GANAB: variants seen among roughly 807,000 people sequenced by gnomAD.
The protein encoded by GANAB is neutral alpha-glucosidase AB.
In GANAB, 35 loss-of-function variants were observed where a neutral mutation model predicts 129.9. The ratio of observed to expected loss-of-function variants is 0.27; its 90% CI spans 0.21 to 0.36. The LOEUF is 0.36. Ranked by LOEUF, GANAB falls within the 10% of genes least tolerant of loss-of-function variation. The pLI, the probability that GANAB is intolerant of heterozygous loss-of-function variation, is 1.00. For missense variants in GANAB, 939 were observed against 1,221.0 expected (o/e 0.77, Z 3.44); for synonymous variants, 482 against 451.8 (o/e 1.07, Z -0.85).
rs541870201 is a variant in GANAB at position 62,626,962 on chromosome 11, C to CG, written c.2323-29dup. On this transcript the variant is annotated intron_variant, in intron 19 of 23. Coordinates refer to ENST00000356638, the MANE Select transcript of GANAB (RefSeq NM_198334.3). ...GTGAGTGACAAAAGAGGTAAGATAC[C>CG]GGATCACTCAGTGCACAGGGGTCCC... is the stretch of plus-strand genomic sequence containing the variant. 2.1e-5 allele frequency: 33 copies of CG among 1,590,970 alleles called. No homozygotes were observed. In the East Asian group the frequency reaches 6.9e-4, roughly 33 times the overall value.
rs140991067 is a variant in GANAB, at chr11:62,638,828, CAGA to C, written c.380+152_380+154del. Among the ~76,000 whole-genome samples the C allele has an allele frequency of 3.2e-3, 484 of 152,136 alleles. 3 individuals carry two copies. Among genetic ancestry groups the C allele is most frequent in the African/African-American group, 0.011 (471 of 41,498 alleles). ...TAAAGGGATAAAGAGAAAAGTGAAA[CAGA>C]AGAAGAGGTGGGGAAAGGTTGAGGA... On this transcript the variant is annotated intron_variant, in intron 4 of 23. Coordinates refer to ENST00000356638, the MANE Select transcript of GANAB (RefSeq NM_198334.3).
rs1319341383 is a variant in GANAB at position 62,626,689 on chromosome 11, G to A, written c.2398-5C>T. 6.3e-7 allele frequency: 1 copy of A among 1,582,144 alleles called. No individual in the cohort carries two copies. The highest frequency in any genetic ancestry group is 2.3e-5 in the East Asian group (1 of 44,320). On this transcript the variant is annotated splice_region_variant and splice_polypyrimidine_tract_variant and intron_variant, in intron 20 of 23. Coordinates refer to ENST00000356638, the MANE Select transcript of GANAB (RefSeq NM_198334.3). ...TCCACGCTGGAACACAGGGATCTAG[G>A]GCAAGAGCAATGCCAGGATGAAGTT... is the stretch of plus-strand genomic sequence containing the variant.
At chr11:62,636,796 G>A (rs1943962204) in intron 4 of GANAB, among the ~76,000 whole-genome samples, 1 of 152,088 alleles carries the variant, frequency 6.6e-6, no homozygotes, top group Non-Finnish European at 1.5e-5. Flanking sequence ...AGTGGTGCAC[G>A]CCTGTAGTCC....
intron 17 of GANAB, 129 bp downstream of exon 17, chr11:62,628,640 T>C (rs1943515378): frequency 2.1e-6 from 2 of 954,346 alleles, no homozygotes; most frequent in African/African-American, 1.6e-5. Flanking sequence ...CCCTTCACTC[T>C]TGACCTTAAT....
At chr11:62,634,280 C>A (rs756531091) in intron 5 of GANAB, 10 of 1,450,438 alleles carry the variant, frequency 6.9e-6, no homozygotes, top group Non-Finnish European at 9.7e-6. Context: ...GGCAGAGGAA[C>A]AGATACAGTA....
chr11:62,633,989 C>T (rs1268777854), intron 5 of GANAB: 1 of 370,520 alleles, frequency 2.7e-6, no homozygotes, highest in Non-Finnish European at 4.9e-6. Flanking sequence ...AAAATGCTTT[C>T]AAGGGCAAGT....
rs923594935 is a variant in GANAB, at chr11:62,629,840, C to T, written c.1711G>A (p.Val571Met). 11 of 1,614,094 alleles carry T rather than the reference C, an allele frequency of 6.8e-6. No individual in the cohort carries two copies. In the African/African-American group the frequency reaches 8.0e-5, roughly 12 times the overall value. ...QHYGGWEHRD[V>M]HNIYGLYVHM... Reference sequence around the variant, plus strand: ...ACATAAAGGCCATAGATGTTATGCACATCCCGGTGCTCCCAGCCCCCATAA... The same window carrying T: ...ACATAAAGGCCATAGATGTTATGCATATCCCGGTGCTCCCAGCCCCCATAA... The change falls in exon 14 of 24, where the codon GTG (valine) becomes ATG (methionine). Residue 571 changes from valine (V) to methionine (M), a missense_variant. By Grantham distance (21) the Val-to-Met change is conservative. This residue lies in a region of GANAB where 147 missense variants were observed against 282.4 expected (regional missense o/e 0.52). Transcript: ENST00000356638.
At chr11:62,642,625 G>A (rs1023858490) in intron 1 of GANAB, among the ~76,000 whole-genome samples, 35 of 152,002 alleles carry the variant, frequency 2.3e-4, no homozygotes, top group African/African-American at 6.8e-4. Flanking sequence ...TAGTAGAGAC[G>A]GGGTTTCATC....
Position 62,639,070 on chromosome 11 carries a change from A to C in GANAB, c.293T>G (p.Met98Arg), listed in dbSNP as rs1315859689. 2 of 1,613,990 alleles carry C rather than the reference A, an allele frequency of 1.2e-6. No individual in the cohort carries two copies. Among genetic ancestry groups the C allele is most frequent in the Non-Finnish European group, 1.7e-6 (2 of 1,179,988 alleles). ...VLELQGLQKNMTRFRIDELEP... is the reference protein window; with the variant it reads ...VLELQGLQKNRTRFRIDELEP... ...CAGCTCATCAATCCTGAACCGAGTCATGTTCTTTTGAAGCCCCTGAAGCTC... is the reference window on the plus strand; with the variant it reads ...CAGCTCATCAATCCTGAACCGAGTCCTGTTCTTTTGAAGCCCCTGAAGCTC... Residue 98 changes from methionine (M) to arginine (R), a missense_variant, in exon 4 of 24, where the codon ATG (methionine) becomes AGG (arginine). Physicochemically the swap from Met to Arg is moderately conservative, Grantham distance 91. Around this residue, in one of 5 missense-constraint regions of GANAB, gnomAD observed 321 missense variants for 329.1 expected, o/e 0.98. Coordinates refer to ENST00000356638, the MANE Select transcript of GANAB (RefSeq NM_198334.3).
At chr11:62,639,210 C>G (rs1944105820) in intron 3 of GANAB, 100 bp from the exon 4 acceptor site, 1 of 1,428,088 alleles carries the variant, frequency 7.0e-7, no homozygotes, top group Middle Eastern at 2.2e-4. Context: ...CCTTTGAGCC[C>G]TTTGCCTAAA....
Position 62,625,490 on chromosome 11 carries a change from C to A in GANAB, c.*325G>T. The A allele has an allele frequency of 2.4e-6, 1 of 413,152 alleles. No homozygotes were observed. The highest frequency in any genetic ancestry group is 4.6e-6 in the Non-Finnish European group (1 of 218,416). The allele number at this position is 413,152 out of a possible 1,614,324, so 25.6% of individuals were successfully genotyped here. A position where few individuals can be genotyped will look rare whatever the true frequency, so the allele number is the denominator to read the frequency against. ...GGATAGACTCTGGGGGAGTTCAGGG[C>A]TCCTAAATAAGGGAAAGAGAAGGGG... On this transcript the variant is annotated 3_prime_UTR_variant, in exon 24 of 24. Transcript: ENST00000356638.
intron 7 of GANAB, 29 bp downstream of exon 7, chr11:62,633,155 C>T (rs773623872): frequency 1.2e-6 from 2 of 1,605,176 alleles, no homozygotes; most frequent in South Asian, 1.1e-5. Context: ...GAGCCCTGCA[C>T]CCCAGCCCAA....
chr11:62,630,172 G>A lies in GANAB; in HGVS notation c.1593+25C>T, dbSNP rs1452252102. The A allele has an allele frequency of 3.9e-6, 6 of 1,553,664 alleles. No homozygotes were observed. In the African/African-American group the frequency reaches 5.4e-5, roughly 14 times the overall value. On this transcript the variant is annotated intron_variant, in intron 13 of 23. Coordinates refer to ENST00000356638, the MANE Select transcript of GANAB (RefSeq NM_198334.3). ...GAGGCAGGTGGAACAGACAGACGCA[G>A]GTCATGGGGAGAGGCCTTCCCTACC...
At position 62,630,750 on chromosome 11, in the gene GANAB, C is replaced by T; in HGVS notation, c.1237G>A (p.Asp413Asn). ...AGGTTGTGATCATCAAAGCCCTGAT[C>T]CACTTCCAGCACATCAGCCTCGTCC... ...YRDEADVLEV[D>N]QGFDDHNLPC... The change falls in exon 11 of 24, where the codon GAT becomes AAT. Residue 413 changes from aspartate to asparagine, a missense_variant. Asp to Asn is a conservative substitution (Grantham distance 23). This residue lies in a region of GANAB where 220 missense variants were observed against 295.9 expected (regional missense o/e 0.74). Transcript: ENST00000356638. The T allele has an allele frequency of 2.5e-6, 4 of 1,614,084 alleles. No homozygotes were observed. Among genetic ancestry groups the T allele is most frequent in the Non-Finnish European group, 3.4e-6 (4 of 1,179,958 alleles).
At chr11:62,643,321 G>A (rs1159467017) in intron 1 of GANAB, among the ~76,000 whole-genome samples, 2 of 151,734 alleles carry the variant, frequency 1.3e-5, no homozygotes, top group Non-Finnish European at 2.9e-5. Context: ...GGCCAACATG[G>A]CGAAACTCCA....
chr11:62,631,111 A>C lies in GANAB; in HGVS notation c.1069T>G (p.Ser357Ala), dbSNP rs1044968406. 1.9e-6 allele frequency: 3 copies of C among 1,611,792 alleles called. No homozygotes were observed. The African/African-American group carries it at 4.0e-5, about 22-fold the overall frequency. ...ETPQTDVRWM[S>A]ETGIIDVFLL... is the part of the protein sequence containing the mutation. ...AAGACGTCAATGATGCCAGTCTCTG[A>C]CATCCAGCGAACATCTGTCTGTGGG... Residue 357 changes from serine (S) to alanine (A), a missense_variant, in exon 10 of 24, where the codon TCA becomes GCA. This residue lies in a region of GANAB where 220 missense variants were observed against 295.9 expected (regional missense o/e 0.74). Coordinates refer to ENST00000356638, the MANE Select transcript of GANAB (RefSeq NM_198334.3).
intron 17 of GANAB, among the ~76,000 whole-genome samples, chr11:62,628,205 C>CTTTTT (rs58757640): frequency 9.1e-5 from 9 of 98,410 alleles, no homozygotes; most frequent in Admixed American, 7.2e-4. Context: ...CTTCTCAAAA[C>CTTTTT]TTTTTTTTTT....
rs371505456 is a variant in GANAB at position 62,629,167 on chromosome 11, A to G, written c.1936+27T>C. 4.7e-4 allele frequency: 745 copies of G among 1,581,618 alleles called. 2 individuals carry two copies. Among genetic ancestry groups the G allele is most frequent in the Non-Finnish European group, 6.0e-4 (686 of 1,150,618 alleles). On this transcript the variant is annotated intron_variant, in intron 16 of 23. Coordinates refer to ENST00000356638, the MANE Select transcript of GANAB (RefSeq NM_198334.3). Reference sequence around the variant, plus strand: ...TACTTTGCCCCTTTCCCACCAAACCAAGACCCCAAATTCCTCCCTGTCTTA... The same window carrying G: ...TACTTTGCCCCTTTCCCACCAAACCGAGACCCCAAATTCCTCCCTGTCTTA...
chr11:62,631,146 G>C lies in GANAB; in HGVS notation c.1034C>G (p.Ser345Cys), dbSNP rs771877035. 1 of 1,603,504 alleles carries C rather than the reference G, an allele frequency of 6.2e-7. No homozygotes were observed. The highest frequency in any genetic ancestry group is 1.7e-5 in the Admixed American group (1 of 59,828). The stretch of plus-strand genomic sequence containing the variant: ...AACATCTGTCTGTGGGGTCTCCCCA[G>C]AGCCCTGCAGGTAGTCCATCATCTT... ...FGKMMDYLQG[S>C]GETPQTDVRW... is the part of the protein sequence containing the mutation. The change falls in exon 10 of 24, where the codon TCT becomes TGT. Residue 345 changes from serine (S) to cysteine (C), a missense_variant. Physicochemically the swap from Ser to Cys is moderately radical, Grantham distance 112. Coordinates refer to ENST00000356638, the MANE Select transcript of GANAB (RefSeq NM_198334.3).
Sources: gnomAD v4.1 joint callset for allele counts (sites outside exome capture counted in the v4.1 genomes callset) on GRCh38, gnomAD v4.1.1 for gene constraint, gnomAD v4.1.1 regional missense constraint, MANE v1.5 for transcripts, NCBI Gene and HGNC (gene_info 2026-07-23, HGNC 2026-07-21) for gene names.